The following HACD3 variants were observed in gnomAD, a reference collection of about 807,000 sequenced individuals.
The protein encoded by HACD3 is 3-hydroxyacyl-CoA dehydratase 3.
HACD3 carries 30 observed loss-of-function variants against 55.2 expected under a neutral mutation model. The observed-to-expected ratio is 0.54, with a 90% CI of 0.41 to 0.74. HACD3 has a LOEUF of 0.74. Ranked by LOEUF, HACD3 falls within the 30% of genes least tolerant of loss-of-function variation. The probability of loss-of-function intolerance (pLI) is 0.00; values close to 1 mark genes in which losing one functional copy is unlikely to be tolerated. For missense variants in HACD3, 363 were observed against 440.1 expected (o/e 0.82, Z 1.57); for synonymous variants, 141 against 151.7 (o/e 0.93, Z 0.52).
At chr15:65,557,919 A>G (rs897949906) in intron 4 of HACD3, among the ~76,000 whole-genome samples, 6 of 149,402 alleles carry the variant, frequency 4.0e-5, no homozygotes, top group Non-Finnish European at 8.9e-5. Flanking sequence ...TTTTTGAGAA[A>G]GCGCCATCAT....
At chr15:65,559,170 A>G (rs559825906) in intron 5 of HACD3, among the ~76,000 whole-genome samples, 1 of 152,342 alleles carries the variant, frequency 6.6e-6, no homozygotes, top group Admixed American at 6.5e-5. Flanking sequence ...TAGTCCTGCT[A>G]TTCATTAACC....
At position 65,563,335 on chromosome 15, in the gene HACD3, T is replaced by C. The variant is rs2072261505; in HGVS notation, c.532+451T>C. Among the ~76,000 whole-genome samples, 3 of 152,188 alleles carry C rather than the reference T, an allele frequency of 2.0e-5. No homozygotes were observed. In the South Asian group the frequency reaches 6.2e-4, roughly 31 times the overall value. Reference sequence around the variant, plus strand: ...CATAAAGATATTAGTTCTTCTTAAATTAATTTATGTGTTTAGCAGGATTCT... The same window carrying C: ...CATAAAGATATTAGTTCTTCTTAAACTAATTTATGTGTTTAGCAGGATTCT... On this transcript the variant is annotated intron_variant, in intron 6 of 10. Transcript: ENST00000261875.
At position 65,553,628 on chromosome 15, in the gene HACD3, G is replaced by GT. The variant is rs201441569; in HGVS notation, c.131-1253dup. Among the ~76,000 whole-genome samples, 1,364 of 152,242 alleles carry GT rather than the reference G, an allele frequency of 9.0e-3. 18 individuals carry two copies. Among genetic ancestry groups the GT allele is most frequent in the South Asian group, 0.046 (221 of 4,830 alleles). On this transcript the variant is annotated intron_variant, in intron 2 of 10. Coordinates refer to ENST00000261875, the MANE Select transcript of HACD3 (RefSeq NM_016395.4). ...TGAGAGTAGTCACCACTCAGCTCAGGTTTTTTGGGAATTATATACATTTAC... is the reference window on the plus strand; with the variant it reads ...TGAGAGTAGTCACCACTCAGCTCAGGTTTTTTTGGGAATTATATACATTTAC...
At chr15:65,573,434 C>T (rs552525933) in intron 10 of HACD3, among the ~76,000 whole-genome samples, 29 of 152,042 alleles carry the variant, frequency 1.9e-4, no homozygotes, top group Non-Finnish European at 3.5e-4. Context: ...ATGGCAAAAC[C>T]CTGTCTCTAC....
intron 1 of HACD3, among the ~76,000 whole-genome samples, chr15:65,544,751 G>A (rs1194705543): frequency 6.6e-6 from 1 of 152,170 alleles, no homozygotes; most frequent in African/African-American, 2.4e-5. Context: ...GCCGGGTGCG[G>A]TGGCTCACGC....
chr15:65,535,766 G>A (rs1028836681), intron 1 of HACD3: 4 of 644,166 alleles, frequency 6.2e-6, no homozygotes, highest in South Asian at 1.7e-5. Context: ...TGTGATCATA[G>A]CTCACCGTAG....
At chr15:65,568,726 T>C (rs1174978482) in intron 7 of HACD3, among the ~76,000 whole-genome samples, 2 of 152,114 alleles carry the variant, frequency 1.3e-5, no homozygotes, top group Non-Finnish European at 2.9e-5. Flanking sequence ...AGAATATTCT[T>C]TAAAGACGAG....
At chr15:65,541,085 C>T (rs1033000510) in intron 1 of HACD3, among the ~76,000 whole-genome samples, 8 of 152,122 alleles carry the variant, frequency 5.3e-5, no homozygotes, top group Non-Finnish European at 7.4e-5. Flanking sequence ...GGGCCAAAAT[C>T]AAGAGTCCCC....
chr15:65,539,346 G>A (rs371805220), intron 1 of HACD3, among the ~76,000 whole-genome samples: 9 of 149,086 alleles, frequency 6.0e-5, no homozygotes, highest in Non-Finnish European at 1.2e-4. Context: ...TCAGCCTCCC[G>A]AGTAGCTGGG....
At chr15:65,548,239 G>C (rs1398791375) in intron 1 of HACD3, among the ~76,000 whole-genome samples, 2 of 152,114 alleles carry the variant, frequency 1.3e-5, no homozygotes, top group African/African-American at 4.8e-5. Flanking sequence ...GCTGGGCATG[G>C]TGGCTCATGC....
chr15:65,576,199 T>G (rs1008582991), intron 10 of HACD3, 104 bp from the exon 11 acceptor site: 1 of 1,492,724 alleles, frequency 6.7e-7, no homozygotes, highest in African/African-American at 1.4e-5. Context: ...ATAAGCTTTT[T>G]GCTGTGGAAT....
intron 7 of HACD3, among the ~76,000 whole-genome samples, chr15:65,568,973 C>T (rs545679772): frequency 3.4e-4 from 52 of 152,084 alleles, no homozygotes; most frequent in African/African-American, 1.1e-3. Flanking sequence ...CTTGGCCGGG[C>T]GCGGTGGCTC....
chr15:65,575,351 C>A (rs2072390701), intron 10 of HACD3, among the ~76,000 whole-genome samples: 2 of 152,042 alleles, frequency 1.3e-5, no homozygotes, highest in East Asian at 3.9e-4. Context: ...CCATGCCTGG[C>A]TGATTTTTGT....
In HACD3 at chr15:65,558,751, T is replaced by C. The variant is rs566030662; in HGVS notation, c.421+20T>C. 32 of 1,592,704 alleles carry C rather than the reference T, an allele frequency of 2.0e-5. No homozygotes were observed. In the East Asian group the frequency reaches 5.9e-4, roughly 29 times the overall value. On this transcript the variant is annotated intron_variant, in intron 5 of 10. Coordinates refer to ENST00000261875, the MANE Select transcript of HACD3 (RefSeq NM_016395.4). ...CTGAAAGTAAGTTGTGCTGCTGCCA[T>C]GGTAGTTACCAGTTAACTTGTGCTA...
rs761548750 is a variant in HACD3 at position 65,530,600 on chromosome 15, C to A, written c.-32C>A. On this transcript the variant is annotated 5_prime_UTR_variant, in exon 1 of 11. Coordinates refer to ENST00000261875, the MANE Select transcript of HACD3 (RefSeq NM_016395.4). The stretch of plus-strand genomic sequence containing the variant: ...ACCTGAGGCAGCGAGGCGCAGCGAG[C>A]CTAGCCTCCCCGCGCCCTGGGCAGT... 3.9e-6 allele frequency: 6 copies of A among 1,542,432 alleles called. No homozygotes were observed. Among genetic ancestry groups the A allele is most frequent in the Non-Finnish European group, 5.3e-6 (6 of 1,139,812 alleles).
chr15:65,541,578 G>A (rs919797389), intron 1 of HACD3, among the ~76,000 whole-genome samples: 4 of 152,182 alleles, frequency 2.6e-5, no homozygotes, highest in Non-Finnish European at 4.4e-5. Context: ...AGTGGGGTCC[G>A]CTATAGATTG....
rs2072402160 is a variant in HACD3, at chr15:65,576,439, C to A, written c.*60C>A. 1 of 1,486,384 alleles carries A rather than the reference C, an allele frequency of 6.7e-7. No homozygotes were observed. 92.1% of individuals were successfully genotyped at this position (1,486,384 alleles called of 1,614,324 possible). On this transcript the variant is annotated 3_prime_UTR_variant, in exon 11 of 11. Coordinates refer to ENST00000261875, the MANE Select transcript of HACD3 (RefSeq NM_016395.4). ...GCCTAATCTGATTCTTACAGTTTTACCTTCTTGAACCAATGTAAAAGTTTT... is the reference window on the plus strand; with the variant it reads ...GCCTAATCTGATTCTTACAGTTTTAACTTCTTGAACCAATGTAAAAGTTTT...
intron 7 of HACD3, among the ~76,000 whole-genome samples, chr15:65,568,584 C>G (rs2072316294): frequency 6.6e-6 from 1 of 151,854 alleles, no homozygotes; most frequent in African/African-American, 2.4e-5. Context: ...GTCTTGAACT[C>G]CTGACCTCAA....
At chr15:65,568,122 A>G (rs1484241615) in intron 7 of HACD3, among the ~76,000 whole-genome samples, 3 of 151,364 alleles carry the variant, frequency 2.0e-5, no homozygotes, top group East Asian at 2.0e-4. Flanking sequence ...GGGGTTTCCC[A>G]TGTTGGCCAG....
Sources: gnomAD v4.1 joint callset for allele counts (sites outside exome capture counted in the v4.1 genomes callset) on GRCh38, gnomAD v4.1.1 for gene constraint, MANE v1.5 for transcripts, NCBI Gene and HGNC (gene_info 2026-07-23, HGNC 2026-07-21) for gene names.